The following LRRC7 variants were observed in gnomAD, a reference collection of about 807,000 sequenced individuals.
The protein encoded by LRRC7 is leucine-rich repeat-containing protein 7.
LRRC7 carries 23 observed loss-of-function variants against 175.7 expected under a neutral mutation model. The ratio of observed to expected loss-of-function variants is 0.13; its 90% CI spans 0.09 to 0.19. The LOEUF is 0.19. LRRC7 is among the 10% of genes least tolerant of loss of function. The pLI, the probability that LRRC7 is intolerant of heterozygous loss-of-function variation, is 1.00. For synonymous variants in LRRC7, 685 were observed against 680.9 expected (o/e 1.01, Z -0.09); for missense variants, 1,354 against 1,904.7 (o/e 0.71, Z 5.38).
chr1:69,856,033 T>C (rs1210974458), intron 7 of LRRC7, among the ~76,000 whole-genome samples: 1 of 152,138 alleles, frequency 6.6e-6, no homozygotes, highest in African/African-American at 2.4e-5. Context: ...GCATGTGGGA[T>C]GGGTGTCCTG....
At chr1:69,766,147 T>TAA (rs1017094890) in intron 3 of LRRC7, among the ~76,000 whole-genome samples, 23 of 152,140 alleles carry the variant, frequency 1.5e-4, no homozygotes, top group African/African-American at 4.8e-4. Flanking sequence ...GCCCAGAAGT[T>TAA]ATTTGTGTTT....
At chr1:70,016,435 C>T in intron 13 of LRRC7, 30 bp from the exon 14 acceptor site, 4 of 1,468,090 alleles carry the variant, frequency 2.7e-6, no homozygotes, top group Non-Finnish European at 3.7e-6. Flanking sequence ...CATCTTTACC[C>T]ATGCTATTAG....
At chr1:70,016,325 T>A in intron 13 of LRRC7, 140 bp from the exon 14 acceptor site, 1 of 489,902 alleles carries the variant, frequency 2.0e-6, no homozygotes, top group East Asian at 3.3e-5. Flanking sequence ...TTCATTTTTT[T>A]AAATATTGTT....
chr1:69,820,162 A>G (rs912737883), intron 4 of LRRC7, among the ~76,000 whole-genome samples: 11 of 151,318 alleles, frequency 7.3e-5, no homozygotes, highest in African/African-American at 2.4e-4. Flanking sequence ...TATGTTTTAA[A>G]TTATTTATTT....
At chr1:69,962,190 A>G (rs1651167566) in intron 8 of LRRC7, among the ~76,000 whole-genome samples, 1 of 152,250 alleles carries the variant, frequency 6.6e-6, no homozygotes, top group South Asian at 2.1e-4. Flanking sequence ...ACACTGCTCA[A>G]AAGAAGACAT....
chr1:69,746,892 A>G (rs892772166), intron 2 of LRRC7, among the ~76,000 whole-genome samples: 7 of 152,162 alleles, frequency 4.6e-5, no homozygotes, highest in African/African-American at 1.4e-4. Flanking sequence ...GGAGCCTGGA[A>G]GCCCCAAATC....
chr1:69,668,545 T>C (rs560001654), intron 1 of LRRC7, among the ~76,000 whole-genome samples: 1 of 152,374 alleles, frequency 6.6e-6, no homozygotes, highest in South Asian at 2.1e-4. Flanking sequence ...CAGTCTATCA[T>C]TGATTGGCAT....
rs181704351 is a variant in LRRC7 at position 69,682,183 on chromosome 1, C to T, written c.100+3705C>T. 4.2e-3 allele frequency among the ~76,000 whole-genome samples: 635 copies of T among 152,254 alleles called. 1 individual carries two copies. Among genetic ancestry groups the T allele is most frequent in the Non-Finnish European group, 8.0e-3 (542 of 68,012 alleles). ...TAGACTTTCTAAATTAGCCAATTTA[C>T]TCCCTCTTCTCAGGGAGAATTACCT... On this transcript the variant is annotated intron_variant, in intron 2 of 26. Coordinates refer to ENST00000651989, the MANE Select transcript of LRRC7 (RefSeq NM_001370785.2).
chr1:70,053,527 C>T (rs1660902871), intron 23 of LRRC7, among the ~76,000 whole-genome samples: 2 of 152,066 alleles, frequency 1.3e-5, no homozygotes, highest in African/African-American at 4.8e-5. Flanking sequence ...AAAGTTATGA[C>T]AATTGATTCA....
chr1:69,838,785 C>G (rs1187572870), intron 7 of LRRC7, among the ~76,000 whole-genome samples: 1 of 151,706 alleles, frequency 6.6e-6, no homozygotes, highest in Non-Finnish European at 1.5e-5. Flanking sequence ...TTTTACTAGT[C>G]TATTTAAAAT....
chr1:69,755,228 A>G (rs1373237618), intron 2 of LRRC7, among the ~76,000 whole-genome samples: 1 of 151,766 alleles, frequency 6.6e-6, no homozygotes. Context: ...TTGCTTTCCT[A>G]ATGTATCTAT....
chr1:70,105,534 C>A (rs1231772107), intron 25 of LRRC7, among the ~76,000 whole-genome samples: 3 of 152,120 alleles, frequency 2.0e-5, no homozygotes, highest in Non-Finnish European at 4.4e-5. Context: ...AAATAGCATC[C>A]TACCACACAC....
intron 2 of LRRC7, among the ~76,000 whole-genome samples, chr1:69,753,283 C>CGTGTGTGTGTGT (rs199915847): frequency 7.6e-6 from 1 of 131,138 alleles, no homozygotes; most frequent in Non-Finnish European, 1.6e-5. Flanking sequence ...AAATCATTGT[C>CGTGTGTGTGTGT]GTGTGTGTGT....
At chr1:69,845,302 T>A (rs1682223636) in intron 7 of LRRC7, among the ~76,000 whole-genome samples, 1 of 152,068 alleles carries the variant, frequency 6.6e-6, no homozygotes, top group African/African-American at 2.4e-5. Flanking sequence ...ATTTTAGAAG[T>A]AAAGGTTCTA....
chr1:69,851,495 A>G (rs959160854), intron 7 of LRRC7, among the ~76,000 whole-genome samples: 2 of 152,102 alleles, frequency 1.3e-5, no homozygotes, highest in African/African-American at 4.8e-5. Flanking sequence ...GAGGTGAGGG[A>G]ATGGGATGTA....
rs532776641 is a variant in LRRC7, at chr1:70,132,884, A to G, written c.*10997A>G. Among the ~76,000 whole-genome samples the G allele has an allele frequency of 6.6e-6, 1 of 152,106 alleles. No individual in the cohort carries two copies. Among genetic ancestry groups the G allele is most frequent in the Non-Finnish European group, 1.5e-5 (1 of 68,026 alleles). On this transcript the variant is annotated 3_prime_UTR_variant, in exon 27 of 27. Coordinates refer to ENST00000651989, the MANE Select transcript of LRRC7 (RefSeq NM_001370785.2). ...TAAGACAGAAAGGGACCTTGAGAGG[A>G]TCTGGTTCATTTGTCTATCTTCAGG...
At chr1:70,067,218 T>C (rs1370039792) in intron 23 of LRRC7, among the ~76,000 whole-genome samples, 3 of 152,134 alleles carry the variant, frequency 2.0e-5, no homozygotes, top group Non-Finnish European at 4.4e-5. Flanking sequence ...TACAAACATT[T>C]TCTCCAACTC....
chr1:69,981,808 C>T (rs1570900920), intron 9 of LRRC7, among the ~76,000 whole-genome samples: 2 of 152,298 alleles, frequency 1.3e-5, no homozygotes, highest in Admixed American at 1.3e-4. Context: ...TTAAAAATTA[C>T]ATAGCATTTA....
At chr1:69,869,285 A>G (rs973173182) in intron 7 of LRRC7, among the ~76,000 whole-genome samples, 6 of 152,174 alleles carry the variant, frequency 3.9e-5, no homozygotes, top group Admixed American at 3.9e-4. Flanking sequence ...TGAAATATTT[A>G]GGAAATAAAA....
Sources: gnomAD v4.1 joint callset for allele counts (sites outside exome capture counted in the v4.1 genomes callset) on GRCh38, gnomAD v4.1.1 for gene constraint, MANE v1.5 for transcripts, NCBI Gene and HGNC (gene_info 2026-07-23, HGNC 2026-07-21) for gene names.